SCAPER: variants seen among roughly 807,000 people sequenced by gnomAD.
SCAPER encodes S-phase cyclin A associated protein in the ER.
In SCAPER, 98 loss-of-function variants were observed where a neutral mutation model predicts 182.2. The ratio of observed to expected loss-of-function variants is 0.54; its 90% confidence interval spans 0.46 to 0.64. The LOEUF is 0.64. SCAPER is among the 30% of genes least tolerant of loss of function. The pLI, the probability that SCAPER is intolerant of heterozygous loss-of-function variation, is 0.00. For missense variants in SCAPER, 1,432 were observed against 1,690.0 expected, an observed-to-expected ratio of 0.85 and a Z score of 2.68; for synonymous variants, 605 against 564.6, an observed-to-expected ratio of 1.07 and a Z score of -1.01.
intron 5 of SCAPER, among the ~76,000 whole-genome samples, chr15:76,812,497 A>AAAG (rs1555616450): frequency 2.4e-5 from 3 of 122,474 alleles, no homozygotes; most frequent in Admixed American, 8.9e-5. Flanking sequence ...AAAAAAAAAA[A>AAAG]AAAGAAAGAA....
At chr15:76,645,305 C>T (rs2054454257) in intron 21 of SCAPER, among the ~76,000 whole-genome samples, 1 of 152,140 alleles carries the variant, frequency 6.6e-6, no homozygotes, top group South Asian at 2.1e-4. Flanking sequence ...TCACCTGATA[C>T]ATTCGTAAGC....
intron 25 of SCAPER, among the ~76,000 whole-genome samples, chr15:76,437,901 C>T (rs1319176340): frequency 3.9e-5 from 6 of 152,150 alleles, no homozygotes; most frequent in Non-Finnish European, 7.3e-5. Context: ...CATCCTCAGG[C>T]TTTTGTCCAG....
intron 5 of SCAPER, among the ~76,000 whole-genome samples, chr15:76,818,961 T>C (rs991297635): frequency 1.3e-5 from 2 of 151,842 alleles, no homozygotes; most frequent in African/African-American, 4.8e-5. Context: ...GCTCGGAGGG[T>C]CCTACGCCCA....
intron 20 of SCAPER, among the ~76,000 whole-genome samples, chr15:76,670,372 C>T (rs1472153345): frequency 2.0e-5 from 3 of 151,904 alleles, no homozygotes; most frequent in Non-Finnish European, 2.9e-5. Flanking sequence ...ACAACATAAG[C>T]TAACAGATGT....
intron 22 of SCAPER, among the ~76,000 whole-genome samples, chr15:76,593,672 G>A (rs1284552414): frequency 1.6e-5 from 2 of 121,550 alleles, no homozygotes; most frequent in African/African-American, 2.5e-5. Context: ...TGGTGATACC[G>A]AGGCAAACAG....
At chr15:76,442,192 G>T (rs2142703260) in intron 25 of SCAPER, among the ~76,000 whole-genome samples, 1 of 152,274 alleles carries the variant, frequency 6.6e-6, no homozygotes, top group South Asian at 2.1e-4. Flanking sequence ...TCTTACTCCT[G>T]CTTCAGTTAC....
intron 29 of SCAPER, among the ~76,000 whole-genome samples, chr15:76,374,897 T>TA (rs1345611345): frequency 3.3e-5 from 5 of 151,824 alleles, no homozygotes; most frequent in Non-Finnish European, 7.4e-5. Flanking sequence ...TTATTATTAG[T>TA]AAAAAATCTA....
intron 22 of SCAPER, among the ~76,000 whole-genome samples, chr15:76,596,023 G>GT (rs1187441962): frequency 2.5e-5 from 3 of 120,904 alleles, no homozygotes; most frequent in African/African-American, 7.6e-5. Context: ...CCAGGAGCTG[G>GT]TTTTTTGAAA....
intron 26 of SCAPER, among the ~76,000 whole-genome samples, chr15:76,407,015 G>A (rs774653217): frequency 2.0e-5 from 3 of 152,190 alleles, no homozygotes; most frequent in Admixed American, 6.5e-5. Context: ...GGTGCTGGTA[G>A]TCAACTTGTT....
chr15:76,638,337 C>T (rs2053816937), intron 21 of SCAPER, among the ~76,000 whole-genome samples: 1 of 152,078 alleles, frequency 6.6e-6, no homozygotes, highest in Non-Finnish European at 1.5e-5. Context: ...TTATTTTTCC[C>T]TTTCTGATTC....
chr15:76,785,379 C>T lies in SCAPER; in HGVS notation c.772+9901G>A, dbSNP rs138433969. The stretch of plus-strand genomic sequence containing the variant: ...CAATCATTAAAAAGTCAGGAAACAA[C>T]AGATGCTGGCAAGGACATGGAAAAA... On this transcript the variant is annotated intron_variant, in intron 8 of 31. Coordinates refer to ENST00000563290, the MANE Select transcript of SCAPER (RefSeq NM_020843.4). Among the ~76,000 whole-genome samples, 257 of 152,274 alleles carry T rather than the reference C, an allele frequency of 1.7e-3. 9 individuals carry two copies. The South Asian group carries it at 0.038, about 22-fold the overall frequency.
Position 76,404,684 on chromosome 15 carries a change from A to C in SCAPER, c.3312-5T>G. 1 of 1,608,146 alleles carries C rather than the reference A, an allele frequency of 6.2e-7. No homozygotes were observed. The highest frequency in any genetic ancestry group is 8.5e-7 in the Non-Finnish European group (1 of 1,177,314). The stretch of plus-strand genomic sequence containing the variant: ...AGACCCATGTTCACCACGTAGCTAG[A>C]TATGGGGGAGAAATGCATGTTATCA... On this transcript the variant is annotated splice_region_variant and splice_polypyrimidine_tract_variant and intron_variant, in intron 26 of 31. Transcript: ENST00000563290.
intron 26 of SCAPER, among the ~76,000 whole-genome samples, chr15:76,429,170 C>A (rs2046682975): frequency 6.6e-6 from 1 of 152,034 alleles, no homozygotes; most frequent in Non-Finnish European, 1.5e-5. Flanking sequence ...TGCTTTCCAG[C>A]ATGATTGTGA....
chr15:76,512,148 A>G (rs1464348229), intron 23 of SCAPER, among the ~76,000 whole-genome samples: 1 of 151,772 alleles, frequency 6.6e-6, no homozygotes, highest in Non-Finnish European at 1.5e-5. Flanking sequence ...TCGGCCTCCC[A>G]AAGTGCTGGG....
intron 20 of SCAPER, among the ~76,000 whole-genome samples, chr15:76,667,846 C>T (rs1023341026): frequency 4.6e-5 from 7 of 151,354 alleles, no homozygotes; most frequent in African/African-American, 1.5e-4. Context: ...ACCTGTAATC[C>T]CAGCTACCTG....
intron 2 of SCAPER, among the ~76,000 whole-genome samples, chr15:76,875,651 G>A (rs1197269321): frequency 6.6e-6 from 1 of 152,210 alleles, no homozygotes; most frequent in Non-Finnish European, 1.5e-5. Flanking sequence ...TGAAGCCGCA[G>A]ACCGTTGCCC....
intron 22 of SCAPER, among the ~76,000 whole-genome samples, chr15:76,616,369 A>G (rs1485033716): frequency 6.6e-6 from 1 of 152,200 alleles, no homozygotes; most frequent in African/African-American, 2.4e-5. Context: ...AGCCTATCAC[A>G]AAAAGACAAA....
intron 1 of SCAPER, among the ~76,000 whole-genome samples, chr15:76,890,738 T>C (rs1028796466): frequency 6.6e-6 from 1 of 152,080 alleles, no homozygotes. Flanking sequence ...CTACCAGAGG[T>C]ACAAAGAGGA....
intron 4 of SCAPER, among the ~76,000 whole-genome samples, chr15:76,850,624 G>T (rs2070641709): frequency 1.3e-5 from 2 of 152,082 alleles, no homozygotes; most frequent in Admixed American, 1.3e-4. Flanking sequence ...ACTTTGAGAG[G>T]CTAAGGAAGG....
Sources: gnomAD v4.1 joint callset for allele counts (sites outside exome capture counted in the v4.1 genomes callset) on GRCh38, gnomAD v4.1.1 for gene constraint, MANE v1.5 for transcripts, NCBI Gene and HGNC (gene_info 2026-07-23, HGNC 2026-07-21) for gene names.